BACH2: variants seen among roughly 807,000 people sequenced by gnomAD.
BACH2 encodes the protein transcription regulator protein BACH2.
A neutral mutation model predicts 61.8 loss-of-function variants in BACH2; 5 were observed. The ratio of observed to expected loss-of-function variants is 0.08; its 90% CI spans 0.04 to 0.17. BACH2 has a LOEUF of 0.17. BACH2 is among the 10% of genes least tolerant of loss of function. The pLI is 1.00. For synonymous variants in BACH2, 446 were observed against 440.1 expected, an observed-to-expected ratio of 1.01 and a Z score of -0.17; for missense variants, 824 against 1,091.1, an observed-to-expected ratio of 0.76 and a Z score of 3.45.
At chr6:90,205,655 T>C (rs940806642) in intron 4 of BACH2, among the ~76,000 whole-genome samples, 2 of 152,208 alleles carry the variant, frequency 1.3e-5, no homozygotes, top group African/African-American at 4.8e-5. Flanking sequence ...GGCTTTCTCA[T>C]ATGCTTTTGT....
intron 5 of BACH2, among the ~76,000 whole-genome samples, chr6:90,054,005 T>C (rs560135835): frequency 2.0e-5 from 3 of 152,168 alleles, no homozygotes; most frequent in Non-Finnish European, 4.4e-5. Flanking sequence ...GATGGCCGAA[T>C]AGGAACAGCT....
chr6:89,935,933 T>G (rs1772994871), intron 8 of BACH2, among the ~76,000 whole-genome samples: 1 of 152,248 alleles, frequency 6.6e-6, no homozygotes, highest in South Asian at 2.1e-4. Flanking sequence ...CCAGCAGGAA[T>G]GTCGTCTCCT....
At chr6:90,166,274 C>T (rs1473146619) in intron 4 of BACH2, among the ~76,000 whole-genome samples, 5 of 152,082 alleles carry the variant, frequency 3.3e-5, no homozygotes, top group African/African-American at 9.7e-5. Flanking sequence ...CAAAAGAAGA[C>T]ATTTATGCAG....
intron 5 of BACH2, among the ~76,000 whole-genome samples, chr6:90,046,252 G>A (rs1779772936): frequency 1.3e-5 from 2 of 152,160 alleles, no homozygotes; most frequent in African/African-American, 4.8e-5. Context: ...AGTCATTTAA[G>A]CATCTAAGAA....
chr6:90,179,553 C>G (rs1175969423), intron 4 of BACH2, among the ~76,000 whole-genome samples: 2 of 152,104 alleles, frequency 1.3e-5, no homozygotes, highest in African/African-American at 4.8e-5. Context: ...TAGTTCTGGA[C>G]TGGAGTGAAG....
intron 4 of BACH2, among the ~76,000 whole-genome samples, chr6:90,149,509 T>C (rs569160296): frequency 6.4e-4 from 97 of 152,352 alleles, no homozygotes; most frequent in Non-Finnish European, 9.6e-4. Context: ...ACTTATCAGC[T>C]GAGGCATCTG....
intron 4 of BACH2, among the ~76,000 whole-genome samples, chr6:90,111,324 C>G (rs1783162175): frequency 6.6e-6 from 1 of 152,174 alleles, no homozygotes; most frequent in South Asian, 2.1e-4. Flanking sequence ...ACTTTTGCCT[C>G]TGTAGAAGCC....
chr6:90,214,641 T>C (rs1372388257), intron 3 of BACH2, among the ~76,000 whole-genome samples: 1 of 152,136 alleles, frequency 6.6e-6, no homozygotes, highest in East Asian at 1.9e-4. Context: ...GAATGGGTTA[T>C]ATGCCTTGTT....
chr6:89,992,832 T>C lies in BACH2; in HGVS notation c.243+15770A>G, dbSNP rs527251943. Among the ~76,000 whole-genome samples the C allele has an allele frequency of 1.4e-4, 21 of 152,380 alleles. 1 individual carries two copies. Among genetic ancestry groups the C allele is most frequent in the Admixed American group, 1.4e-3 (21 of 15,308 alleles). On this transcript the variant is annotated intron_variant, in intron 6 of 8. Transcript: ENST00000257749. ...TCTACTATTTTTTCATAGGTTGCTATAGAGTTTTTTAGTAGGTTGTTATAA... is the reference window on the plus strand; with the variant it reads ...TCTACTATTTTTTCATAGGTTGCTACAGAGTTTTTTAGTAGGTTGTTATAA...
chr6:90,230,682 T>G (rs1393067024), intron 3 of BACH2, among the ~76,000 whole-genome samples: 1 of 152,132 alleles, frequency 6.6e-6, no homozygotes, highest in Non-Finnish European at 1.5e-5. Context: ...AAAGTTATGA[T>G]GGGAATGTGG....
intron 6 of BACH2, among the ~76,000 whole-genome samples, chr6:89,979,290 G>T (rs1210166557): frequency 6.6e-6 from 1 of 152,184 alleles, no homozygotes; most frequent in African/African-American, 2.4e-5. Context: ...TTTGCTAAAT[G>T]ATCTCTTTCA....
At chr6:90,050,997 C>T (rs1040688464) in intron 5 of BACH2, among the ~76,000 whole-genome samples, 1 of 151,998 alleles carries the variant, frequency 6.6e-6, no homozygotes, top group Admixed American at 6.6e-5. Flanking sequence ...GTCTTGAACT[C>T]CTGACCTCAG....
At chr6:90,246,894 T>C (rs1770654039) in intron 3 of BACH2, among the ~76,000 whole-genome samples, 1 of 152,278 alleles carries the variant, frequency 6.6e-6, no homozygotes, top group African/African-American at 2.4e-5. Flanking sequence ...AGGTAGAGCA[T>C]GTGGAAGTAT....
chr6:89,932,418 T>C lies in BACH2; in HGVS notation c.2516A>G (p.Asp839Gly). ...KCTTDEQPRK[D>G]YT ...GGCAGAGCCGAGTCACTAGGTATAA[T>C]CTTTCCTGGGCTGTTCGTCAGTTGT... The change falls in exon 9 of 9, where the codon GAT (aspartate) becomes GGT (glycine). Residue 839 changes from aspartate (D) to glycine (G), a missense_variant. Asp to Gly is a moderately conservative substitution (Grantham distance 94). Transcript: ENST00000257749. 1.2e-6 allele frequency: 2 copies of C among 1,611,408 alleles called. No individual in the cohort carries two copies. The highest frequency in any genetic ancestry group is 1.7e-6 in the Non-Finnish European group (2 of 1,177,690).
intron 4 of BACH2, among the ~76,000 whole-genome samples, chr6:90,152,991 G>A (rs1413921721): frequency 3.3e-5 from 5 of 152,096 alleles, no homozygotes; most frequent in South Asian, 2.1e-4. Flanking sequence ...GAAAGAAAGC[G>A]TTCTCGTATC....
chr6:90,285,674 A>G (rs1265674780), intron 1 of BACH2, among the ~76,000 whole-genome samples: 1 of 152,194 alleles, frequency 6.6e-6, no homozygotes, highest in Non-Finnish European at 1.5e-5. Flanking sequence ...GCAGGAGAAG[A>G]GGACCCAGCT....
chr6:89,982,183 G>A (rs1775993439), intron 6 of BACH2, among the ~76,000 whole-genome samples: 1 of 152,174 alleles, frequency 6.6e-6, no homozygotes, highest in African/African-American at 2.4e-5. Flanking sequence ...AGGAGAATTT[G>A]TAAGTTCAGG....
Position 89,927,699 on chromosome 6 carries a change from T to C in BACH2, c.*4709A>G, listed in dbSNP as rs1394709711. On this transcript the variant is annotated 3_prime_UTR_variant, in exon 9 of 9. Coordinates refer to ENST00000257749, the MANE Select transcript of BACH2 (RefSeq NM_021813.4). ...ATGGCAGCATCGTTTTCATATTACA[T>C]TTAAAATGCACTGATATTCATTTGA... 3 of 152,934 alleles carry C rather than the reference T, an allele frequency of 2.0e-5. No homozygotes were observed. The highest frequency in any genetic ancestry group is 2.0e-4 in the Admixed American group (3 of 15,314). 9.5% of individuals were successfully genotyped at this position (152,934 alleles called of 1,614,324 possible).
intron 4 of BACH2, among the ~76,000 whole-genome samples, chr6:90,127,998 G>A (rs1408546473): frequency 1.3e-5 from 2 of 152,164 alleles, no homozygotes; most frequent in African/African-American, 4.8e-5. Context: ...CTGTGGACCA[G>A]GATTCACAGC....
Sources: allele counts gnomAD v4.1 joint callset (sites outside exome capture counted in the v4.1 genomes callset), GRCh38; gene constraint gnomAD v4.1.1; transcripts MANE v1.5; gene names NCBI Gene and HGNC (gene_info 2026-07-23, HGNC 2026-07-21).